The following RGS12 variants were observed in gnomAD, a reference collection of about 807,000 sequenced individuals.
RGS12 encodes regulator of G protein signaling 12.
A neutral mutation model predicts 120.1 loss-of-function variants in RGS12; 66 were observed. The ratio of observed to expected loss-of-function variants is 0.55; its 90% CI spans 0.45 to 0.67. The LOEUF is 0.67. RGS12 is among the 30% of genes least tolerant of loss of function. The pLI is 0.00. For synonymous variants in RGS12, 827 were observed against 804.7 expected, an observed-to-expected ratio of 1.03 and a Z score of -0.47; for missense variants, 1,859 against 1,957.7, an observed-to-expected ratio of 0.95 and a Z score of 0.95.
At chr4:3,313,080 A>G (rs1016699832) in intron 1 of RGS12, 1 of 152,272 alleles carries the variant, frequency 6.6e-6, no homozygotes, top group African/African-American at 2.4e-5. Context: ...AAACGTGATT[A>G]TAGATAATAA....
chr4:3,316,261 G>A lies in RGS12; in HGVS notation c.91G>A (p.Gly31Ser), dbSNP rs1030858948. The change falls in exon 2 of 18, where the codon GGC becomes AGC. Residue 31 changes from glycine (G) to serine (S), a missense_variant. Around this residue, in one of 3 missense-constraint regions of RGS12, gnomAD observed 967 missense variants for 994.2 expected, o/e 0.97. Transcript: ENST00000336727. Reference protein sequence around the residue: ...RSVEVARGRAGYGFTLSGQAP... With the variant: ...RSVEVARGRASYGFTLSGQAP... Reference sequence around the variant, plus strand: ...TGTGGAGGTTGCCCGGGGGAGGGCCGGCTACGGATTCACGCTTTCGGGACA... The same window carrying A: ...TGTGGAGGTTGCCCGGGGGAGGGCCAGCTACGGATTCACGCTTTCGGGACA... The A allele has an allele frequency of 1.2e-6, 2 of 1,613,604 alleles. No individual in the cohort carries two copies. Among genetic ancestry groups the A allele is most frequent in the South Asian group, 1.1e-5 (1 of 91,044 alleles).
chr4:3,412,869 G>C (rs940636716), intron 4 of RGS12: 2 of 152,320 alleles, frequency 1.3e-5, no homozygotes, highest in African/African-American at 4.8e-5. Context: ...GCTCTGGCAC[G>C]GTGGGCAGCG....
At chr4:3,309,685 G>GCAGGAGAGGAGCTGGGACTC (rs1724230317) in intron 1 of RGS12, among the ~76,000 whole-genome samples, 1 of 122,494 alleles carries the variant, frequency 8.2e-6, no homozygotes, top group Non-Finnish European at 1.8e-5. Context: ...TGTCCGCTGA[G>GCAGGAGAGGAGCTGGGACTC]GGGAACCGTG....
intron 3 of RGS12, among the ~76,000 whole-genome samples, chr4:3,354,848 A>T (rs1179142092): frequency 2.6e-5 from 4 of 152,248 alleles, no homozygotes; most frequent in Non-Finnish European, 5.9e-5. Flanking sequence ...GAATTACAGG[A>T]CGTCAAAGCT....
chr4:3,373,634 G>T (rs1281804270), intron 3 of RGS12, among the ~76,000 whole-genome samples: 1 of 152,206 alleles, frequency 6.6e-6, no homozygotes, highest in Non-Finnish European at 1.5e-5. Context: ...TGCTGGGATC[G>T]CAGGGCGTGC....
intron 1 of RGS12, among the ~76,000 whole-genome samples, chr4:3,300,679 G>A (rs901811137): frequency 9.8e-5 from 15 of 152,286 alleles, no homozygotes; most frequent in East Asian, 1.9e-4. Flanking sequence ...CAGGGCTCCC[G>A]GCATTGCTAG....
At chr4:3,406,317 C>A (rs6446738) in intron 4 of RGS12, among the ~76,000 whole-genome samples, 7,648 of 152,248 alleles carry the variant, frequency 0.05, 601 homozygotes, top group African/African-American at 0.17. Flanking sequence ...ACATGATGGA[C>A]GGGTGGGCCG....
At chr4:3,395,017 A>C (rs1245598138) in intron 4 of RGS12, among the ~76,000 whole-genome samples, 1 of 148,354 alleles carries the variant, frequency 6.7e-6, no homozygotes, top group East Asian at 2.0e-4. Context: ...AAAAATACAA[A>C]AAAACAAAAC....
At chr4:3,363,832 A>G (rs1480691011) in intron 3 of RGS12, among the ~76,000 whole-genome samples, 1 of 151,972 alleles carries the variant, frequency 6.6e-6, no homozygotes, top group Non-Finnish European at 1.5e-5. Context: ...ACTGGAAGGA[A>G]GCTTGGTACT....
chr4:3,307,318 A>ATGT (rs1724031346), intron 1 of RGS12, among the ~76,000 whole-genome samples: 3 of 152,198 alleles, frequency 2.0e-5, no homozygotes, highest in Non-Finnish European at 2.9e-5. Context: ...ACGCTGCGGC[A>ATGT]GCGTGTGCAC....
At chr4:3,331,921 G>A (rs753751903) in intron 2 of RGS12, among the ~76,000 whole-genome samples, 12 of 152,226 alleles carry the variant, frequency 7.9e-5, no homozygotes, top group Non-Finnish European at 1.6e-4. Flanking sequence ...TCCCTGCAGC[G>A]TTTGCCCATG....
chr4:3,346,033 C>A (rs1713753817), intron 3 of RGS12, among the ~76,000 whole-genome samples: 1 of 152,154 alleles, frequency 6.6e-6, no homozygotes, highest in African/African-American at 2.4e-5. Flanking sequence ...GCATGAGCCA[C>A]CATGCCCCGA....
At chr4:3,357,595 T>C (rs1435555078) in intron 3 of RGS12, among the ~76,000 whole-genome samples, 1 of 152,210 alleles carries the variant, frequency 6.6e-6, no homozygotes. Flanking sequence ...GATATCCTTT[T>C]CCCGGCACCA....
At chr4:3,325,023 G>A (rs1011237114) in intron 2 of RGS12, among the ~76,000 whole-genome samples, 3 of 152,084 alleles carry the variant, frequency 2.0e-5, no homozygotes, top group Non-Finnish European at 4.4e-5. Context: ...AAAGAAATTA[G>A]TGCTTTGGTC....
intron 4 of RGS12, among the ~76,000 whole-genome samples, chr4:3,403,900 G>A (rs777934879): frequency 6.6e-6 from 1 of 152,240 alleles, no homozygotes; most frequent in Non-Finnish European, 1.5e-5. Flanking sequence ...TTGACGTGGG[G>A]TGATGTGACA....
At chr4:3,321,666 T>C (rs1459557258) in intron 2 of RGS12, among the ~76,000 whole-genome samples, 10 of 152,218 alleles carry the variant, frequency 6.6e-5, no homozygotes, top group Non-Finnish European at 1.0e-4. Flanking sequence ...GGCAGGGTTT[T>C]CTGTGGCTGT....
rs147918581 is a variant in RGS12 at position 3,372,877 on chromosome 4, T to C, written c.1999-13539T>C. 5.9e-4 allele frequency among the ~76,000 whole-genome samples: 90 copies of C among 152,350 alleles called. No homozygotes were observed. Among genetic ancestry groups the C allele is most frequent in the Admixed American group, 2.4e-3 (37 of 15,312 alleles). On this transcript the variant is annotated intron_variant, in intron 3 of 17. Transcript: ENST00000336727. This position sits in a 1 kb window ranked among gnomAD's most constrained non-coding sequence, Gnocchi z 4.3. ...CCCCTTCAGGCATTGACGTTCTGTT[T>C]AATATTTTAAAAATCTTTAAAAAGG...
intron 3 of RGS12, among the ~76,000 whole-genome samples, chr4:3,384,178 G>A (rs574662791): frequency 5.5e-4 from 83 of 151,904 alleles, no homozygotes; most frequent in Non-Finnish European, 1.1e-3. Context: ...ATTTTAAGAC[G>A]GAGTCTCACT....
At chr4:3,391,431 A>T (rs1257936982) in intron 4 of RGS12, among the ~76,000 whole-genome samples, 2 of 152,218 alleles carry the variant, frequency 1.3e-5, no homozygotes, top group East Asian at 1.9e-4. Context: ...CACTAACTGC[A>T]TACCTATCTT....
Sources: allele counts gnomAD v4.1 joint callset (sites outside exome capture counted in the v4.1 genomes callset), GRCh38; gene constraint gnomAD v4.1.1; regional missense constraint gnomAD v4.1.1; non-coding constraint Gnocchi (gnomAD v3.1); transcripts MANE v1.5; gene names NCBI Gene and HGNC (gene_info 2026-07-23, HGNC 2026-07-21).